Variants in LMNTD1 observed in about 807,000 individuals in gnomAD.
LMNTD1 encodes the protein lamin tail domain containing 1.
LMNTD1 carries 35 observed loss-of-function variants against 50.9 expected under a neutral mutation model. The observed-to-expected ratio is 0.69, with a 90% CI of 0.53 to 0.91. The LOEUF is 0.91. Among genes scored for constraint, LMNTD1 ranks in the 40% least tolerant of loss-of-function variants. The pLI is 0.00. For synonymous variants in LMNTD1, 153 were observed against 161.9 expected (o/e 0.94, Z 0.42); for missense variants, 470 against 475.5 (o/e 0.99, Z 0.11).
chr12:25,575,936 G>C (rs1007530332), intron 1 of LMNTD1, among the ~76,000 whole-genome samples: 1 of 152,062 alleles, frequency 6.6e-6, no homozygotes, highest in African/African-American at 2.4e-5. Context: ...TGAGAACATG[G>C]GGTGTTTGGT....
intron 9 of LMNTD1, among the ~76,000 whole-genome samples, chr12:25,490,221 G>A (rs1311111001): frequency 6.6e-6 from 1 of 152,138 alleles, no homozygotes; most frequent in Non-Finnish European, 1.5e-5. Flanking sequence ...AGAAACTATG[G>A]AAAATGACAG....
intron 1 of LMNTD1, among the ~76,000 whole-genome samples, chr12:25,577,312 T>C (rs913271954): frequency 6.6e-6 from 1 of 152,218 alleles, no homozygotes; most frequent in African/African-American, 2.4e-5. Context: ...TATTGATTCT[T>C]CCCCATGAGC....
At chr12:25,508,665 A>G (rs1158613055) in intron 8 of LMNTD1, among the ~76,000 whole-genome samples, 3 of 152,100 alleles carry the variant, frequency 2.0e-5, no homozygotes, top group Non-Finnish European at 4.4e-5. Context: ...TTGCTGGTTT[A>G]TGGGGTAATT....
At chr12:25,501,011 A>G (rs1162185708) in intron 9 of LMNTD1, among the ~76,000 whole-genome samples, 3 of 152,142 alleles carry the variant, frequency 2.0e-5, no homozygotes, top group African/African-American at 7.2e-5. Context: ...TTGTTTTGAG[A>G]CAGAGGCTCA....
intron 8 of LMNTD1, among the ~76,000 whole-genome samples, chr12:25,515,474 T>C (rs1053916802): frequency 1.1e-4 from 17 of 152,058 alleles, no homozygotes; most frequent in African/African-American, 3.9e-4. Context: ...CATATGCATG[T>C]AAACAAAGTA....
intron 1 of LMNTD1, among the ~76,000 whole-genome samples, chr12:25,622,491 A>G (rs1946497326): frequency 7.3e-6 from 1 of 136,712 alleles, no homozygotes; most frequent in Non-Finnish European, 1.6e-5. Context: ...AATAATATCA[A>G]CATCATTGGC....
chr12:25,554,805 T>C (rs1423926845), upstream of LMNTD1, among the ~76,000 whole-genome samples: 3 of 152,214 alleles, frequency 2.0e-5, no homozygotes. Flanking sequence ...GGTTCCCACC[T>C]GTAATCCCAG....
intron 1 of LMNTD1, among the ~76,000 whole-genome samples, chr12:25,644,386 G>A (rs985099749): frequency 6.6e-6 from 1 of 151,802 alleles, no homozygotes; most frequent in Non-Finnish European, 1.5e-5. Context: ...TCAAGAGGGT[G>A]AGGTGGGAAG....
At chr12:25,634,147 C>T (rs1208678402) in intron 1 of LMNTD1, among the ~76,000 whole-genome samples, 1 of 152,134 alleles carries the variant, frequency 6.6e-6, no homozygotes, top group African/African-American at 2.4e-5. Flanking sequence ...ATTAGATACA[C>T]TGAACAGACC....
At chr12:25,500,550 G>A (rs1032771857) in intron 9 of LMNTD1, among the ~76,000 whole-genome samples, 10 of 152,154 alleles carry the variant, frequency 6.6e-5, no homozygotes, top group African/African-American at 2.4e-4. Flanking sequence ...TATATGCTGT[G>A]TTTGCAATGT....
intron 1 of LMNTD1, among the ~76,000 whole-genome samples, chr12:25,569,423 C>A (rs531622168): frequency 4.6e-5 from 7 of 152,264 alleles, no homozygotes; most frequent in African/African-American, 1.7e-4. Context: ...TAGAAGGAGA[C>A]AAGTCTCAGA....
chr12:25,488,643 A>G (rs558012616), intron 9 of LMNTD1, among the ~76,000 whole-genome samples: 10 of 151,940 alleles, frequency 6.6e-5, no homozygotes, highest in Non-Finnish European at 1.3e-4. Context: ...CGTCAAAGTC[A>G]TTCTCCATCC....
chr12:25,486,799 G>C lies in LMNTD1; in HGVS notation c.*23-10339C>G, dbSNP rs1226275014. On this transcript the variant is annotated intron_variant, in intron 9 of 9. Transcript: ENST00000458174. ...TGTCTTTGGCTCTGTTTATATGCTG[G>C]ATTACATTTATTGATTTGCATATAT... Among the ~76,000 whole-genome samples the C allele has an allele frequency of 7.3e-5, 11 of 150,384 alleles. No homozygotes were observed. The East Asian group carries it at 1.6e-3, about 22-fold the overall frequency.
intron 1 of LMNTD1, among the ~76,000 whole-genome samples, chr12:25,583,417 C>T (rs1382308087): frequency 6.6e-6 from 1 of 152,106 alleles, no homozygotes; most frequent in Non-Finnish European, 1.5e-5. Flanking sequence ...AATCCTCATT[C>T]CTTCTGCCTC....
intron 9 of LMNTD1, among the ~76,000 whole-genome samples, chr12:25,483,787 A>C (rs901901497): frequency 7.4e-5 from 11 of 149,068 alleles, no homozygotes; most frequent in African/African-American, 2.7e-4. Flanking sequence ...AAAAAAAAAA[A>C]GAATGCATAG....
At chr12:25,594,835 A>G (rs750049206) in intron 1 of LMNTD1, among the ~76,000 whole-genome samples, 5 of 152,026 alleles carry the variant, frequency 3.3e-5, no homozygotes, top group Non-Finnish European at 7.4e-5. Context: ...CCTTCAAGAG[A>G]CTCACCTAAC....
chr12:25,526,962 A>C lies in LMNTD1; in HGVS notation c.492-7T>G. The C allele has an allele frequency of 1.3e-6, 2 of 1,586,702 alleles. No homozygotes were observed. The highest frequency in any genetic ancestry group is 1.7e-6 in the Non-Finnish European group (2 of 1,164,722). On this transcript the variant is annotated splice_region_variant and splice_polypyrimidine_tract_variant and intron_variant, in intron 4 of 9. Coordinates refer to ENST00000458174, the MANE Select transcript of LMNTD1 (RefSeq NM_001145728.2). The stretch of plus-strand genomic sequence containing the variant: ...TTCAACATCTCCAAGAGAACTAGAA[A>C]ATAAAACACAAAGATTGTAAGCTGC...
rs183338240 is a variant in LMNTD1, at chr12:25,579,865, C to T, written c.59-33311G>A. Among the ~76,000 whole-genome samples, 48 of 152,220 alleles carry T rather than the reference C, an allele frequency of 3.2e-4. No individual in the cohort carries two copies. In the East Asian group the frequency reaches 6.9e-3, roughly 22 times the overall value. On this transcript the variant is annotated intron_variant, in intron 1 of 7. Coordinates refer to the LMNTD1 transcript ENST00000445693. ...ATCGCATCTCTCCAGAACTACCCAG[C>T]GAGCCTCTGAGCAGTTTTCCCCTGC... is the stretch of plus-strand genomic sequence containing the variant.
intron 1 of LMNTD1, among the ~76,000 whole-genome samples, chr12:25,571,015 T>C (rs1944765440): frequency 6.6e-6 from 1 of 152,208 alleles, no homozygotes; most frequent in South Asian, 2.1e-4. Flanking sequence ...GCCTGTGACC[T>C]GTACAGTCAT....
Sources: allele counts gnomAD v4.1 joint callset (sites outside exome capture counted in the v4.1 genomes callset), GRCh38; gene constraint gnomAD v4.1.1; transcripts MANE v1.5; gene names NCBI Gene and HGNC (gene_info 2026-07-23, HGNC 2026-07-21).